SUSD1: variants seen among roughly 807,000 people sequenced by gnomAD.
The protein encoded by SUSD1 is sushi domain containing 1, also known as sushi domain-containing protein 1.
In SUSD1, 65 loss-of-function variants were observed where a neutral mutation model predicts 86.9. The observed-to-expected ratio is 0.75, with a 90% CI of 0.61 to 0.92. SUSD1 has a LOEUF of 0.92. Ranked by LOEUF, SUSD1 falls within the 40% of genes least tolerant of loss-of-function variation. The probability of loss-of-function intolerance (pLI) is 0.00; values close to 1 mark genes in which losing one functional copy is unlikely to be tolerated. For synonymous variants in SUSD1, 346 were observed against 350.0 expected (o/e 0.99, Z 0.13); for missense variants, 850 against 929.7 (o/e 0.91, Z 1.11).
At chr9:112,139,218 T>C (rs1832450788) in intron 5 of SUSD1, among the ~76,000 whole-genome samples, 1 of 152,014 alleles carries the variant, frequency 6.6e-6, no homozygotes, top group South Asian at 2.1e-4. Flanking sequence ...TTTTACATTC[T>C]TTTTTTTAAA....
intron 5 of SUSD1, among the ~76,000 whole-genome samples, chr9:112,127,382 A>G (rs1831819861): frequency 6.6e-6 from 1 of 152,090 alleles, no homozygotes; most frequent in Non-Finnish European, 1.5e-5. Flanking sequence ...CAAAAAGAAA[A>G]AGAAAAATGC....
At chr9:112,156,977 C>T (rs1833356871) in intron 2 of SUSD1, among the ~76,000 whole-genome samples, 1 of 152,124 alleles carries the variant, frequency 6.6e-6, no homozygotes. Flanking sequence ...GTTTCAGATG[C>T]TTCTAACCTA....
intron 1 of SUSD1, among the ~76,000 whole-genome samples, chr9:112,169,047 GC>G (rs1452130238): frequency 6.6e-6 from 1 of 152,048 alleles, no homozygotes; most frequent in Non-Finnish European, 1.5e-5. Context: ...TTAAGAGATT[GC>G]ACCAAATTCC....
At chr9:112,168,976 A>C (rs1833930926) in intron 1 of SUSD1, among the ~76,000 whole-genome samples, 1 of 152,206 alleles carries the variant, frequency 6.6e-6, no homozygotes, top group Admixed American at 6.6e-5. Context: ...ACGGGGCCCA[A>C]AACTCAGGAA....
At chr9:112,111,866 C>A (rs1337994310) in intron 7 of SUSD1, 26 bp from the exon 8 acceptor site, 1 of 1,609,520 alleles carries the variant, frequency 6.2e-7, no homozygotes, top group Non-Finnish European at 8.5e-7. Flanking sequence ...ACAAGAGAAC[C>A]CACTCTGACT....
intron 16 of SUSD1, 137 bp from the exon 17 acceptor site, chr9:112,041,629 T>G (rs1827741426): frequency 1.4e-6 from 1 of 718,874 alleles, no homozygotes; most frequent in Admixed American, 2.0e-5. Flanking sequence ...CAGCCACCCC[T>G]CTGTGTGTGG....
intron 8 of SUSD1, among the ~76,000 whole-genome samples, chr9:112,106,997 G>A (rs1471320359): frequency 1.3e-5 from 2 of 151,904 alleles, no homozygotes; most frequent in African/African-American, 2.4e-5. Flanking sequence ...AGGAGCAGTG[G>A]CTCACACCTG....
chr9:112,067,058 G>A (rs1829014816), intron 12 of SUSD1, among the ~76,000 whole-genome samples: 1 of 152,238 alleles, frequency 6.6e-6, no homozygotes, highest in South Asian at 2.1e-4. Flanking sequence ...TGTATTTTTA[G>A]TAGAGATGGG....
intron 15 of SUSD1, among the ~76,000 whole-genome samples, chr9:112,050,002 G>A (rs1828120080): frequency 6.6e-6 from 1 of 152,196 alleles, no homozygotes; most frequent in South Asian, 2.1e-4. Flanking sequence ...TACCCAGTTT[G>A]AATGTCTTCC....
chr9:112,149,516 T>C, intron 2 of SUSD1, 117 bp from the exon 3 acceptor site: 3 of 1,169,758 alleles, frequency 2.6e-6, no homozygotes, highest in Non-Finnish European at 3.7e-6. Flanking sequence ...CACACCTTAG[T>C]GATCTATTTC....
At chr9:112,070,314 T>C (rs1439173046) in intron 12 of SUSD1, among the ~76,000 whole-genome samples, 1 of 152,138 alleles carries the variant, frequency 6.6e-6, no homozygotes, top group Non-Finnish European at 1.5e-5. Context: ...GCCGCTGCCT[T>C]ATATTTTAAA....
chr9:112,132,955 G>A (rs899202543), intron 5 of SUSD1, among the ~76,000 whole-genome samples: 10 of 152,120 alleles, frequency 6.6e-5, no homozygotes, highest in African/African-American at 2.4e-4. Context: ...TCAATATCTA[G>A]CAAGTTGAAC....
At chr9:112,168,355 T>C (rs1436067653) in intron 1 of SUSD1, among the ~76,000 whole-genome samples, 1 of 152,192 alleles carries the variant, frequency 6.6e-6, no homozygotes, top group African/African-American at 2.4e-5. Context: ...AACCATAATA[T>C]TCAAATTTAC....
intron 7 of SUSD1, 152 bp downstream of exon 7, chr9:112,112,619 G>A (rs891058338): frequency 7.5e-6 from 4 of 531,312 alleles, no homozygotes; most frequent in Non-Finnish European, 1.3e-5. Flanking sequence ...CTGGGCAACA[G>A]AGTGAGACTG....
chr9:112,145,877 G>C (rs1417099499), intron 3 of SUSD1: 1 of 152,052 alleles, frequency 6.6e-6, no homozygotes, highest in Admixed American at 6.6e-5. Flanking sequence ...AGTTCTAAGG[G>C]CCAGAACATC....
intron 2 of SUSD1, among the ~76,000 whole-genome samples, chr9:112,156,509 G>C (rs980772558): frequency 2.7e-5 from 4 of 150,432 alleles, no homozygotes; most frequent in African/African-American, 9.7e-5. Context: ...TGGGCTCAAG[G>C]CATCCTCCTG....
chr9:112,125,056 A>G (rs1017037813), intron 5 of SUSD1, among the ~76,000 whole-genome samples: 5 of 152,178 alleles, frequency 3.3e-5, no homozygotes, highest in African/African-American at 7.2e-5. Context: ...ACCCAGCCAA[A>G]CTATACTTCA....
chr9:112,122,352 G>T lies in SUSD1; in HGVS notation c.886+1905C>A, dbSNP rs76330237. On this transcript the variant is annotated intron_variant, in intron 6 of 16. Coordinates refer to ENST00000374270, the MANE Select transcript of SUSD1 (RefSeq NM_022486.5). Reference sequence around the variant, plus strand: ...ATTTTTAATTTTTTGTAGAGATGGGGTCTCTCTATGTCACCCAGGCTGGTC... The same window carrying T: ...ATTTTTAATTTTTTGTAGAGATGGGTTCTCTCTATGTCACCCAGGCTGGTC... 3.9e-5 allele frequency among the ~76,000 whole-genome samples: 6 copies of T among 152,250 alleles called. No individual in the cohort carries two copies. In the East Asian group the frequency reaches 1.2e-3, roughly 29 times the overall value.
intron 3 of SUSD1, among the ~76,000 whole-genome samples, chr9:112,148,186 C>T (rs891637496): frequency 6.6e-6 from 1 of 152,212 alleles, no homozygotes; most frequent in African/African-American, 2.4e-5. Flanking sequence ...GCAAAAGCAT[C>T]TTAGAACCAG....
Sources: allele counts gnomAD v4.1 joint callset (sites outside exome capture counted in the v4.1 genomes callset), GRCh38; gene constraint gnomAD v4.1.1; transcripts MANE v1.5; gene names NCBI Gene and HGNC (gene_info 2026-07-23, HGNC 2026-07-21).